Variants in RBBP5 observed in about 807,000 individuals in gnomAD.
RBBP5 encodes the protein retinoblastoma-binding protein 5.
A neutral mutation model predicts 72.2 loss-of-function variants in RBBP5; 5 were observed. That is an observed-to-expected ratio of 0.07 (90% CI 0.04 to 0.15). The LOEUF is 0.15. RBBP5 is among the 10% of genes least tolerant of loss of function. RBBP5 has a pLI of 1.00. For synonymous variants in RBBP5, 209 were observed against 237.2 expected (o/e 0.88, Z 1.09); for missense variants, 322 against 652.2 (o/e 0.49, Z 5.51).
At chr1:205,101,104 C>T (rs963379716) in intron 6 of RBBP5, among the ~76,000 whole-genome samples, 4 of 152,142 alleles carry the variant, frequency 2.6e-5, no homozygotes, top group Non-Finnish European at 5.9e-5. Context: ...TTGGGGACCC[C>T]TGCTCTAAGT....
Position 205,114,800 on chromosome 1 carries a change from C to T in RBBP5, c.207G>A (p.Val69=). Residue 69 remains valine (V), a synonymous_variant, in exon 3 of 14, where the codon GTG becomes GTA. Coordinates refer to ENST00000264515, the MANE Select transcript of RBBP5 (RefSeq NM_005057.4). ...AKIISAHIHP[V]CSLCWSRDGH... ...AAAAAATGTCTTACCATAAAGAACA[C>T]ACTGGATGGATGTGTGCACTAATTA... 1.3e-6 allele frequency: 2 copies of T among 1,542,832 alleles called. No individual in the cohort carries two copies. Among genetic ancestry groups the T allele is most frequent in the Non-Finnish European group, 1.7e-6 (2 of 1,143,392 alleles).
intron 11 of RBBP5, 145 bp downstream of exon 11, chr1:205,097,181 T>A (rs139134743): frequency 1.2e-6 from 1 of 823,734 alleles, no homozygotes; most frequent in Non-Finnish European, 1.9e-6. Context: ...AAAGGCTACA[T>A]TGGATTTCTT....
At chr1:205,114,653 T>C (rs1656452454) in intron 3 of RBBP5, 136 bp downstream of exon 3, 1 of 867,882 alleles carries the variant, frequency 1.2e-6, no homozygotes, top group Non-Finnish European at 1.7e-6. Context: ...AGGATCTACA[T>C]AAACCATGAT....
Position 205,088,035 on chromosome 1 carries a change from C to A in RBBP5, c.*752G>T, listed in dbSNP as rs532739668. ...GCCAGCACAGGTAAAGCAATATAAA[C>A]TATTGATGATTCTTTGCTGGAGATG... On this transcript the variant is annotated 3_prime_UTR_variant, in exon 14 of 14. Transcript: ENST00000264515. 2 of 152,360 alleles carry A rather than the reference C, an allele frequency of 1.3e-5. No individual in the cohort carries two copies. The highest frequency in any genetic ancestry group is 4.1e-4 in the South Asian group (2 of 4,832). 9.4% of individuals were successfully genotyped at this position (152,360 alleles called of 1,614,324 possible). A position where few individuals can be genotyped will look rare whatever the true frequency, so the allele number is the denominator to read the frequency against.
In RBBP5 at chr1:205,099,822, A is replaced by T. The variant is rs1473322504; in HGVS notation, c.907-10T>A. On this transcript the variant is annotated splice_polypyrimidine_tract_variant and intron_variant, in intron 8 of 13. Coordinates refer to ENST00000264515, the MANE Select transcript of RBBP5 (RefSeq NM_005057.4). This position sits in a 1 kb window ranked among gnomAD's most constrained non-coding sequence, Gnocchi z 4.7. ...GTCGAACAGGATGCCACTAAATTTT[A>T]GTGAAGGAAAGAAAAACAGGTTGTT... 6.2e-7 allele frequency: 1 copy of T among 1,613,840 alleles called. No individual in the cohort carries two copies. Among genetic ancestry groups the T allele is most frequent in the East Asian group, 2.2e-5 (1 of 44,896 alleles).
chr1:205,095,998 G>C (rs1655599213), intron 12 of RBBP5, among the ~76,000 whole-genome samples: 1 of 152,180 alleles, frequency 6.6e-6, no homozygotes, highest in East Asian at 1.9e-4. Context: ...TTCGAGACCA[G>C]CCTGGCCAAC....
At chr1:205,102,226 TATTC>T (rs1369833827) in intron 5 of RBBP5, among the ~76,000 whole-genome samples, 10 of 152,130 alleles carry the variant, frequency 6.6e-5, no homozygotes, top group Admixed American at 5.2e-4. Flanking sequence ...TGTTTAGCAT[TATTC>T]ACAATAACCA....
intron 6 of RBBP5, 74 bp from the exon 7 acceptor site, chr1:205,100,345 C>T (rs1430115713): frequency 7.8e-6 from 12 of 1,537,578 alleles, no homozygotes; most frequent in Non-Finnish European, 1.1e-5. Context: ...GACTAATAAA[C>T]TAGGGAAGAA....
chr1:205,109,175 T>C lies in RBBP5; in HGVS notation c.219-4007A>G, dbSNP rs566065285. Among the ~76,000 whole-genome samples the C allele has an allele frequency of 5.3e-5, 8 of 151,944 alleles. No homozygotes were observed. The South Asian group carries it at 8.3e-4, about 16-fold the overall frequency. On this transcript the variant is annotated intron_variant, in intron 3 of 13. Coordinates refer to ENST00000264515, the MANE Select transcript of RBBP5 (RefSeq NM_005057.4). The stretch of plus-strand genomic sequence containing the variant: ...GTGAGTCCTTCTAGAGAATGTCAAC[T>C]CTAAAGAGGCCTAAAGGTGTTAAAA...
intron 3 of RBBP5, among the ~76,000 whole-genome samples, chr1:205,112,380 A>G (rs1322766313): frequency 6.6e-6 from 1 of 152,166 alleles, no homozygotes; most frequent in Non-Finnish European, 1.5e-5. Flanking sequence ...TCTGACCGTT[A>G]TTCCCCTTCA....
At chr1:205,103,563 A>T (rs1655932517) in intron 5 of RBBP5, among the ~76,000 whole-genome samples, 1 of 152,224 alleles carries the variant, frequency 6.6e-6, no homozygotes, top group Non-Finnish European at 1.5e-5. Flanking sequence ...AATTTTGATC[A>T]GCAGTGTTCC....
chr1:205,090,795 A>T (rs1655314653), intron 13 of RBBP5, among the ~76,000 whole-genome samples: 1 of 152,172 alleles, frequency 6.6e-6, no homozygotes, highest in Non-Finnish European at 1.5e-5. Flanking sequence ...AACATCCCAC[A>T]GAGTGAGAAA....
intron 7 of RBBP5, 27 bp from the exon 8 acceptor site, chr1:205,100,091 G>A: frequency 6.2e-7 from 1 of 1,613,578 alleles, no homozygotes; most frequent in Non-Finnish European, 8.5e-7. Context: ...GTACCAAGGA[G>A]AGCTGGAACT....
intron 5 of RBBP5, 36 bp downstream of exon 5, chr1:205,103,821 G>T: frequency 1.9e-6 from 3 of 1,599,548 alleles, no homozygotes; most frequent in Non-Finnish European, 2.6e-6. Context: ...ATGAGCCAGT[G>T]TACAAGATGC....
intron 3 of RBBP5, among the ~76,000 whole-genome samples, chr1:205,108,015 C>T (rs1484877350): frequency 6.7e-6 from 1 of 148,940 alleles, no homozygotes; most frequent in African/African-American, 2.5e-5. Flanking sequence ...GAGGTCAAGG[C>T]GGGCGGATCA....
At chr1:205,118,558 A>AGCCAAGATC (rs1553355931) in intron 1 of RBBP5, among the ~76,000 whole-genome samples, 1 of 152,142 alleles carries the variant, frequency 6.6e-6, no homozygotes, top group Non-Finnish European at 1.5e-5. Context: ...GGTTGCAATG[A>AGCCAAGATC]GCCAAGATCG....
At chr1:205,115,648 G>T (rs1007126111) in intron 2 of RBBP5, among the ~76,000 whole-genome samples, 1 of 152,156 alleles carries the variant, frequency 6.6e-6, no homozygotes, top group Admixed American at 6.6e-5. Context: ...TGAACTGTAA[G>T]ATTACAACAT....
chr1:205,093,288 C>T (rs560483439), intron 13 of RBBP5, among the ~76,000 whole-genome samples: 2 of 149,500 alleles, frequency 1.3e-5, no homozygotes, highest in Non-Finnish European at 3.0e-5. Flanking sequence ...AGTGAAACCC[C>T]GTCTCTACTA....
rs1222310312 is a variant in RBBP5 at position 205,099,882 on chromosome 1, T to C, written c.906+29A>G. The C allele has an allele frequency of 5.6e-6, 9 of 1,613,680 alleles. No individual in the cohort carries two copies. Among genetic ancestry groups the C allele is most frequent in the East Asian group, 4.5e-5 (2 of 44,872 alleles). ...TTTTAGATTTTTTGGATTATGTGAC[T>C]AACAAAAGCAATGTCCTAATGTACT... On this transcript the variant is annotated intron_variant, in intron 8 of 13. Coordinates refer to ENST00000264515, the MANE Select transcript of RBBP5 (RefSeq NM_005057.4). The surrounding 1 kb of genome is among the most constrained non-coding windows in gnomAD (Gnocchi z 4.7).
Sources: gnomAD v4.1 joint callset for allele counts (sites outside exome capture counted in the v4.1 genomes callset) on GRCh38, gnomAD v4.1.1 for gene constraint, Gnocchi (gnomAD v3.1) non-coding constraint, MANE v1.5 for transcripts, NCBI Gene and HGNC (gene_info 2026-07-23, HGNC 2026-07-21) for gene names.